RIMBP2: variants seen among roughly 807,000 people sequenced by gnomAD.
RIMBP2 encodes the protein RIMS-binding protein 2.
A neutral mutation model predicts 118.6 loss-of-function variants in RIMBP2; 48 were observed. The ratio of observed to expected loss-of-function variants is 0.40; its 90% CI spans 0.32 to 0.51. The LOEUF (loss-of-function observed/expected upper bound fraction) is 0.51. Among genes scored for constraint, RIMBP2 ranks in the 20% least tolerant of loss-of-function variants. The pLI, the probability that RIMBP2 is intolerant of heterozygous loss-of-function variation, is 0.41. For synonymous variants in RIMBP2, 762 were observed against 742.9 expected (o/e 1.03, Z -0.42); for missense variants, 1,551 against 1,768.3 (o/e 0.88, Z 2.20).
rs375959166 is a variant in RIMBP2, at chr12:130,410,095, T to C, written c.3590-2266A>G. Among the ~76,000 whole-genome samples, 27 of 152,376 alleles carry C rather than the reference T, an allele frequency of 1.8e-4. No individual in the cohort carries two copies. The East Asian group carries it at 2.5e-3, about 14-fold the overall frequency. On this transcript the variant is annotated intron_variant, in intron 19 of 22. Transcript: ENST00000690449. ...TAATCTTAGCCATTCTCAGTGTGTG[T>C]GCATTGGTTTCTCAGGGTGGTTTTA...
chr12:130,429,844 A>C (rs2077045802), intron 14 of RIMBP2: 1 of 152,076 alleles, frequency 6.6e-6, no homozygotes, highest in African/African-American at 2.4e-5. Flanking sequence ...CGCCAGCCCT[A>C]ATGCTTCCAA....
At chr12:130,709,658 G>A (rs1027587028) in intron 1 of RIMBP2, among the ~76,000 whole-genome samples, 24 of 152,172 alleles carry the variant, frequency 1.6e-4, no homozygotes, top group African/African-American at 4.8e-5. Context: ...CAGGGGCAGC[G>A]TGATGGGGTG....
chr12:130,421,354 T>C (rs1314274820), intron 17 of RIMBP2, among the ~76,000 whole-genome samples: 2 of 152,222 alleles, frequency 1.3e-5, no homozygotes, highest in African/African-American at 4.8e-5. Context: ...CTAAGGATCT[T>C]TAACATTGCA....
chr12:130,709,973 G>A (rs1043718281), intron 1 of RIMBP2, among the ~76,000 whole-genome samples: 2 of 152,034 alleles, frequency 1.3e-5, no homozygotes, highest in African/African-American at 4.8e-5. Flanking sequence ...CCACCCAAAG[G>A]GACACCATGA....
At chr12:130,652,275 GT>G (rs1398155596) in intron 1 of RIMBP2, among the ~76,000 whole-genome samples, 2 of 152,200 alleles carry the variant, frequency 1.3e-5, no homozygotes, top group Non-Finnish European at 2.9e-5. Flanking sequence ...CACACCACTT[GT>G]TTACATAGTA....
chr12:130,534,857 G>A (rs2053845653), intron 2 of RIMBP2, among the ~76,000 whole-genome samples: 1 of 152,220 alleles, frequency 6.6e-6, no homozygotes, highest in Non-Finnish European at 1.5e-5. Flanking sequence ...AGAGGAGAGT[G>A]TCTATCTGTC....
intron 1 of RIMBP2, among the ~76,000 whole-genome samples, chr12:130,682,795 G>A (rs1443654461): frequency 7.9e-5 from 12 of 152,164 alleles, no homozygotes; most frequent in African/African-American, 2.4e-4. Context: ...TGATGAAGAC[G>A]AGACTCATTG....
intron 4 of RIMBP2, among the ~76,000 whole-genome samples, chr12:130,493,678 G>A (rs1394836290): frequency 1.3e-5 from 2 of 152,060 alleles, no homozygotes; most frequent in African/African-American, 4.8e-5. Flanking sequence ...ACTCCTAGTG[G>A]TTGCCCCAGG....
chr12:130,438,618 TAAAGTCGC>T lies in RIMBP2; in HGVS notation c.1505-110_1505-103del, dbSNP rs2077737337. 4.4e-6 allele frequency: 4 copies of T among 909,544 alleles called. No homozygotes were observed. The East Asian group carries it at 2.8e-4, about 64-fold the overall frequency. 56.3% of individuals were successfully genotyped at this position (909,544 alleles called of 1,614,324 possible). A position where few individuals can be genotyped will look rare whatever the true frequency, so the allele number is the denominator to read the frequency against. On this transcript the variant is annotated intron_variant, in intron 11 of 22. Coordinates refer to ENST00000690449, the MANE Select transcript of RIMBP2 (RefSeq NM_001393629.1). The stretch of plus-strand genomic sequence containing the variant: ...CTCACCTGGAAACGAGATCATTCGG[TAAAGTCGC>T]CAGGGAAAAAGAGAAGACAGTGTTG...
intron 14 of RIMBP2, chr12:130,432,391 T>C (rs1219329153): frequency 2.3e-6 from 1 of 441,972 alleles, no homozygotes; most frequent in Non-Finnish European, 4.5e-6. Context: ...TTGCGTGTCA[T>C]GTAATACACA....
intron 1 of RIMBP2, among the ~76,000 whole-genome samples, chr12:130,639,740 G>A (rs976133857): frequency 3.9e-5 from 6 of 151,966 alleles, no homozygotes; most frequent in East Asian, 1.9e-4. Context: ...CATGGGACCC[G>A]CACCCTAACT....
chr12:130,456,480 A>C lies in RIMBP2; in HGVS notation c.358+16T>G. 5 of 1,549,106 alleles carry C rather than the reference A, an allele frequency of 3.2e-6. No individual in the cohort carries two copies. The highest frequency in any genetic ancestry group is 4.4e-6 in the Non-Finnish European group (5 of 1,143,932). On this transcript the variant is annotated intron_variant, in intron 7 of 22. Transcript: ENST00000690449. ...CTCTCCCCACCACAGCCAAGGCGGA[A>C]GGTCCAGGCGCTTACCTTTGCCGAG...
chr12:130,439,971 G>A (rs2077980848), intron 11 of RIMBP2, among the ~76,000 whole-genome samples: 1 of 151,206 alleles, frequency 6.6e-6, no homozygotes, highest in Admixed American at 6.6e-5. Flanking sequence ...CTGTAGGGAT[G>A]TGTGTGTGTG....
At chr12:130,514,571 G>A (rs11615068) in intron 3 of RIMBP2, among the ~76,000 whole-genome samples, 6,331 of 152,204 alleles carry the variant, frequency 0.042, 183 homozygotes, top group South Asian at 0.16. Context: ...GGAGTGGAAC[G>A]TGTACACATG....
chr12:130,463,367 G>C (rs561239319), intron 6 of RIMBP2, among the ~76,000 whole-genome samples: 1 of 152,184 alleles, frequency 6.6e-6, no homozygotes, highest in Non-Finnish European at 1.5e-5. Context: ...AACTGAGTCC[G>C]GACCAGGCAG....
chr12:130,482,236 C>T (rs999408909), intron 4 of RIMBP2, among the ~76,000 whole-genome samples: 1 of 152,232 alleles, frequency 6.6e-6, no homozygotes, highest in Non-Finnish European at 1.5e-5. Context: ...GTGGGGCTTC[C>T]AGCTCCAGAG....
intron 2 of RIMBP2, among the ~76,000 whole-genome samples, chr12:130,559,312 C>T (rs1324246872): frequency 6.6e-6 from 1 of 152,124 alleles, no homozygotes; most frequent in Non-Finnish European, 1.5e-5. Flanking sequence ...GCTCCCCACC[C>T]CCTACCCCAT....
chr12:130,573,676 G>A (rs950796419), intron 2 of RIMBP2, among the ~76,000 whole-genome samples: 3 of 152,170 alleles, frequency 2.0e-5, no homozygotes, highest in African/African-American at 7.2e-5. Flanking sequence ...CTGGTCCTCA[G>A]TGACAGGGGT....
intron 2 of RIMBP2, among the ~76,000 whole-genome samples, chr12:130,520,034 C>T (rs966127324): frequency 6.6e-6 from 1 of 152,188 alleles, no homozygotes; most frequent in Non-Finnish European, 1.5e-5. Flanking sequence ...CCACCTGGTT[C>T]ATGCCATCCG....
Sources: allele counts gnomAD v4.1 joint callset (sites outside exome capture counted in the v4.1 genomes callset), GRCh38; gene constraint gnomAD v4.1.1; transcripts MANE v1.5; gene names NCBI Gene and HGNC (gene_info 2026-07-23, HGNC 2026-07-21).